Variants in VIT observed in about 807,000 individuals in gnomAD.
VIT encodes the protein vitrin.
VIT carries 99 observed loss-of-function variants against 78.0 expected under a neutral mutation model. The observed-to-expected ratio is 1.27, with a 90% CI of 1.08 to 1.50. The LOEUF is 1.50. Among genes scored for constraint, VIT ranks in the 40% most tolerant of loss-of-function variants. VIT has a pLI of 0.00. For synonymous variants in VIT, 374 were observed against 334.3 expected, an observed-to-expected ratio of 1.12 and a Z score of -1.29; for missense variants, 1,126 against 875.3, an observed-to-expected ratio of 1.29 and a Z score of -3.61.
chr2:36,759,994 TTTTTTTTTTTTC>T (rs1347334590), intron 6 of VIT, among the ~76,000 whole-genome samples: 1 of 69,228 alleles, frequency 1.4e-5, no homozygotes, highest in Non-Finnish European at 3.2e-5. Flanking sequence ...TTTCTTTCTC[TTTTTTTTTTTTC>T]TTTTTTTGAG....
At chr2:36,755,708 A>AT (rs1187534140) in intron 5 of VIT, among the ~76,000 whole-genome samples, 1 of 152,024 alleles carries the variant, frequency 6.6e-6, no homozygotes. Context: ...CAAAATTATA[A>AT]TTTTTTCTAA....
At position 36,765,986 on chromosome 2, in the gene VIT, G is replaced by T. The variant is rs149378720; in HGVS notation, c.488-1108G>T. The stretch of plus-strand genomic sequence containing the variant: ...GCCCAGCAGGCACAAGCAACAGTGG[G>T]TTGTTCCTTCCCAGGACCGAGGAGC... On this transcript the variant is annotated intron_variant, in intron 6 of 15. Coordinates refer to ENST00000379242, the MANE Select transcript of VIT (RefSeq NM_053276.4). Among the ~76,000 whole-genome samples, 569 of 152,356 alleles carry T rather than the reference G, an allele frequency of 3.7e-3. 5 individuals are homozygous for T. Among genetic ancestry groups the T allele is most frequent in the Middle Eastern group, 0.014 (4 of 294 alleles).
At chr2:36,725,602 T>TGG (rs112932967) in intron 2 of VIT, among the ~76,000 whole-genome samples, 4 of 48,874 alleles carry the variant, frequency 8.2e-5, no homozygotes, top group Non-Finnish European at 1.6e-4. Flanking sequence ...AGTTGAGGGG[T>TGG]GGGGGGGGGG....
intron 7 of VIT, among the ~76,000 whole-genome samples, chr2:36,771,396 T>C (rs922791048): frequency 2.6e-5 from 4 of 151,838 alleles, no homozygotes; most frequent in Non-Finnish European, 2.9e-5. Flanking sequence ...TGCAGTGGTG[T>C]GCACCTGTAA....
intron 11 of VIT, 100 bp downstream of exon 11, chr2:36,783,502 C>A: frequency 8.5e-7 from 1 of 1,177,226 alleles, no homozygotes; most frequent in East Asian, 2.5e-5. Flanking sequence ...CTCTCTCCTA[C>A]CGTGGATCTA....
intron 1 of VIT, among the ~76,000 whole-genome samples, chr2:36,704,461 C>A (rs977086451): frequency 1.3e-5 from 2 of 152,160 alleles, no homozygotes; most frequent in African/African-American, 2.4e-5. Flanking sequence ...ATTTAACAGG[C>A]CGCTATATAT....
chr2:36,696,870 A>G lies in VIT; in HGVS notation c.-122A>G, dbSNP rs971869699. 4 of 152,162 alleles carry G rather than the reference A, an allele frequency of 2.6e-5. No individual in the cohort carries two copies. Among genetic ancestry groups the G allele is most frequent in the Non-Finnish European group, 1.5e-5 (1 of 68,044 alleles). 9.4% of individuals were successfully genotyped at this position (152,162 alleles called of 1,614,324 possible). On this transcript the variant is annotated 5_prime_UTR_variant, in exon 1 of 16. Coordinates refer to ENST00000379242, the MANE Select transcript of VIT (RefSeq NM_053276.4). ...GACCTCTCCCTGTTTCTTCCTTAGA[A>G]TAATTTGGATGGGATTTGTGATGCA...
intron 6 of VIT, 172 bp downstream of exon 6, chr2:36,759,218 G>A (rs1171759957): frequency 1.2e-5 from 18 of 1,541,050 alleles, no homozygotes; most frequent in Middle Eastern, 1.7e-4. Flanking sequence ...TCAGATGGCT[G>A]GGGCTGAAGA....
At chr2:36,793,400 T>G (rs1352800999) in intron 12 of VIT, among the ~76,000 whole-genome samples, 1 of 152,202 alleles carries the variant, frequency 6.6e-6, no homozygotes, top group Non-Finnish European at 1.5e-5. Flanking sequence ...TTCCCATTCA[T>G]CGAGGGCTAG....
intron 10 of VIT, 27 bp downstream of exon 10, chr2:36,781,798 C>G: frequency 6.2e-7 from 1 of 1,613,846 alleles, no homozygotes; most frequent in Non-Finnish European, 8.5e-7. Flanking sequence ...ACCTCTCAGC[C>G]ACGCGTGGAT....
chr2:36,755,766 A>G (rs754604546), intron 5 of VIT, among the ~76,000 whole-genome samples: 2 of 152,198 alleles, frequency 1.3e-5, no homozygotes, highest in Non-Finnish European at 2.9e-5. Context: ...TATATAAAGA[A>G]GAGTTGCTTT....
chr2:36,771,690 A>G (rs1398643796), intron 7 of VIT, among the ~76,000 whole-genome samples: 1 of 152,244 alleles, frequency 6.6e-6, no homozygotes, highest in East Asian at 1.9e-4. Context: ...CCCAGAATTC[A>G]CACTTCCAGG....
At chr2:36,813,585 G>C (rs1217679998) in intron 15 of VIT, among the ~76,000 whole-genome samples, 2 of 152,102 alleles carry the variant, frequency 1.3e-5, no homozygotes, top group African/African-American at 4.8e-5. Context: ...ACACATGCTG[G>C]GGACCATCTC....
intron 3 of VIT, among the ~76,000 whole-genome samples, chr2:36,733,825 G>A (rs962541002): frequency 6.6e-6 from 1 of 152,156 alleles, no homozygotes; most frequent in Non-Finnish European, 1.5e-5. Context: ...ATCCTAAGAG[G>A]ACAGGGTGGT....
chr2:36,727,207 G>A (rs1043086683), intron 2 of VIT, among the ~76,000 whole-genome samples: 7 of 151,798 alleles, frequency 4.6e-5, no homozygotes, highest in East Asian at 3.9e-4. Context: ...CCCTTTCTCC[G>A]TGCCTTTCTT....
intron 12 of VIT, among the ~76,000 whole-genome samples, chr2:36,789,605 C>T (rs928389268): frequency 2.6e-5 from 4 of 152,006 alleles, no homozygotes; most frequent in African/African-American, 9.7e-5. Flanking sequence ...TTTCACTTGC[C>T]CAGCTTCCTC....
intron 7 of VIT, among the ~76,000 whole-genome samples, chr2:36,772,327 A>G (rs1669812166): frequency 6.6e-6 from 1 of 152,184 alleles, no homozygotes; most frequent in African/African-American, 2.4e-5. Flanking sequence ...ACCTGAGGTC[A>G]GGAGTTCAAG....
intron 4 of VIT, among the ~76,000 whole-genome samples, chr2:36,751,362 C>G (rs1668452066): frequency 6.6e-6 from 1 of 152,236 alleles, no homozygotes; most frequent in African/African-American, 2.4e-5. Flanking sequence ...CGCCACTGCA[C>G]TCCAGCCTGG....
At chr2:36,719,914 C>T (rs1231392077) in intron 2 of VIT, among the ~76,000 whole-genome samples, 1 of 151,860 alleles carries the variant, frequency 6.6e-6, no homozygotes, top group African/African-American at 2.4e-5. Flanking sequence ...TGCACTCCAG[C>T]GTGGGTGACA....
Sources: allele counts gnomAD v4.1 joint callset (sites outside exome capture counted in the v4.1 genomes callset), GRCh38; gene constraint gnomAD v4.1.1; transcripts MANE v1.5; gene names NCBI Gene and HGNC (gene_info 2026-07-23, HGNC 2026-07-21).